The following ARHGAP19 variants were observed in gnomAD, a reference collection of about 807,000 sequenced individuals.
The protein encoded by ARHGAP19 is rho GTPase-activating protein 19.
A neutral mutation model predicts 60.9 loss-of-function variants in ARHGAP19; 48 were observed. That is an observed-to-expected ratio of 0.79 (90% CI 0.62 to 1.00). The LOEUF is 1.00. ARHGAP19 is among the 50% of genes least tolerant of loss of function. The pLI is 0.00. For synonymous variants in ARHGAP19, 209 were observed against 215.5 expected (o/e 0.97, Z 0.27); for missense variants, 562 against 597.2 (o/e 0.94, Z 0.61).
In ARHGAP19 at chr10:97,222,268, A is replaced by C. The variant is rs1238669657; in HGVS notation, c.*3854T>G. ...ATCGTTTCTTTACAATTACATATAC[A>C]TAGTCAAATAAGAATGAAAACTTTA... On this transcript the variant is annotated 3_prime_UTR_variant, in exon 12 of 12. Coordinates refer to ENST00000358531, the MANE Select transcript of ARHGAP19 (RefSeq NM_032900.6). 1.3e-5 allele frequency: 2 copies of C among 152,264 alleles called. No homozygotes were observed. Among genetic ancestry groups the C allele is most frequent in the Non-Finnish European group, 2.9e-5 (2 of 68,042 alleles). The allele number at this position is 152,264 out of a possible 1,614,324, so 9.4% of individuals were successfully genotyped here.
chr10:97,272,758 T>C (rs770573119), intron 1 of ARHGAP19, among the ~76,000 whole-genome samples: 2 of 152,188 alleles, frequency 1.3e-5, no homozygotes, highest in South Asian at 2.1e-4. Flanking sequence ...GTTCCTGATA[T>C]TGGTAATTTT....
rs1482625855 is a variant in ARHGAP19, at chr10:97,283,022, T to C, written c.56+9550A>G. On this transcript the variant is annotated intron_variant, in intron 1 of 11. Coordinates refer to ENST00000358531, the MANE Select transcript of ARHGAP19 (RefSeq NM_032900.6). ...CACGCCTGGCTAATTTTTGTATTTT[T>C]AGTAGAGACGGGGTTTCACCATATT... Among the ~76,000 whole-genome samples, 4 of 151,242 alleles carry C rather than the reference T, an allele frequency of 2.6e-5. No individual in the cohort carries two copies. In the East Asian group the frequency reaches 7.9e-4, roughly 30 times the overall value.
chr10:97,290,986 G>A (rs968052784), intron 1 of ARHGAP19, among the ~76,000 whole-genome samples: 5 of 152,082 alleles, frequency 3.3e-5, no homozygotes, highest in African/African-American at 1.2e-4. Flanking sequence ...AAGAATCCCT[G>A]AGCCTAGCTG....
At chr10:97,229,392 G>A (rs560916248) in intron 10 of ARHGAP19, among the ~76,000 whole-genome samples, 167 bp from the exon 11 acceptor site, 1 of 152,228 alleles carries the variant, frequency 6.6e-6, no homozygotes, top group East Asian at 1.9e-4. Flanking sequence ...GCTTAATGAA[G>A]TAGGCATGCC....
At chr10:97,286,839 G>A (rs1268791819) in intron 1 of ARHGAP19, among the ~76,000 whole-genome samples, 1 of 152,178 alleles carries the variant, frequency 6.6e-6, no homozygotes, top group Non-Finnish European at 1.5e-5. Context: ...TGCCAATTAT[G>A]AGGAGAAGTA....
chr10:97,256,905 A>G (rs566478044), intron 5 of ARHGAP19, among the ~76,000 whole-genome samples: 2 of 152,092 alleles, frequency 1.3e-5, no homozygotes, highest in South Asian at 4.2e-4. Flanking sequence ...GCAGATCACG[A>G]GGTCAGGAGA....
chr10:97,273,456 C>T (rs187474967), intron 1 of ARHGAP19, among the ~76,000 whole-genome samples: 1 of 151,666 alleles, frequency 6.6e-6, no homozygotes, highest in East Asian at 1.9e-4. Flanking sequence ...AGCCACCACG[C>T]CCAGCCTATT....
At chr10:97,268,483 C>A (rs1842925526) in intron 1 of ARHGAP19, among the ~76,000 whole-genome samples, 1 of 152,138 alleles carries the variant, frequency 6.6e-6, no homozygotes, top group South Asian at 2.1e-4. Flanking sequence ...TGTTCTCACG[C>A]TGTTAATAAA....
chr10:97,226,299 T>C (rs1850893780), intron 11 of ARHGAP19, among the ~76,000 whole-genome samples, 167 bp from the exon 12 acceptor site: 1 of 152,248 alleles, frequency 6.6e-6, no homozygotes. Flanking sequence ...CTGCCTGATA[T>C]AATCTCGTTC....
At chr10:97,289,852 T>TA (rs11304186) in intron 1 of ARHGAP19, among the ~76,000 whole-genome samples, 1,318 of 124,514 alleles carry the variant, frequency 0.011, 12 homozygotes, top group East Asian at 0.025. Context: ...AGCCCTGTGT[T>TA]AAAAAAAAAA....
At chr10:97,236,804 A>G (rs919271491) in intron 8 of ARHGAP19, among the ~76,000 whole-genome samples, 4 of 9,682 alleles carry the variant, frequency 4.1e-4, no homozygotes, top group Admixed American at 1.3e-3. Context: ...ACAGACTCAG[A>G]AAAAAAAAAA....
chr10:97,274,490 T>C (rs546430745), intron 1 of ARHGAP19, among the ~76,000 whole-genome samples: 52 of 150,392 alleles, frequency 3.5e-4, no homozygotes, highest in Non-Finnish European at 7.2e-4. Context: ...GTTCCTGAAG[T>C]GCTAATACTG....
At chr10:97,233,639 G>A (rs1243459313) in intron 9 of ARHGAP19, among the ~76,000 whole-genome samples, 2 of 152,164 alleles carry the variant, frequency 1.3e-5, no homozygotes, top group African/African-American at 4.8e-5. Context: ...AGGCCAAGGC[G>A]GGTGGATCAC....
chr10:97,258,390 C>T lies in ARHGAP19; in HGVS notation c.840+1012G>A, dbSNP rs148151507. On this transcript the variant is annotated intron_variant, in intron 5 of 11. Coordinates refer to ENST00000358531, the MANE Select transcript of ARHGAP19 (RefSeq NM_032900.6). ...AAAATACAAAAATACAAATATTAGCCAGGAATAGTGGCTCACGCCTGTAGT... is the reference window on the plus strand; with the variant it reads ...AAAATACAAAAATACAAATATTAGCTAGGAATAGTGGCTCACGCCTGTAGT... Among the ~76,000 whole-genome samples, 953 of 152,168 alleles carry T rather than the reference C, an allele frequency of 6.3e-3. 9 individuals carry two copies. The highest frequency in any genetic ancestry group is 0.022 in the African/African-American group (911 of 41,506).
intron 2 of ARHGAP19, 136 bp downstream of exon 2, chr10:97,265,724 A>C: frequency 1.0e-6 from 1 of 973,964 alleles, no homozygotes; most frequent in Non-Finnish European, 1.5e-6. Context: ...TTAAGGTGTT[A>C]CTACTTATAA....
chr10:97,253,293 G>A (rs1388164785), intron 6 of ARHGAP19, among the ~76,000 whole-genome samples: 2 of 151,310 alleles, frequency 1.3e-5, no homozygotes, highest in East Asian at 1.9e-4. Context: ...CAGGAGAATC[G>A]CTTGAACCCA....
chr10:97,243,886 A>T, intron 8 of ARHGAP19, 82 bp downstream of exon 8: 4 of 1,336,602 alleles, frequency 3.0e-6, no homozygotes, highest in Non-Finnish European at 4.1e-6. Flanking sequence ...ATTAAATGAG[A>T]TTCTTAACAA....
chr10:97,248,778 G>A (rs1175192137), intron 6 of ARHGAP19, among the ~76,000 whole-genome samples: 1 of 152,104 alleles, frequency 6.6e-6, no homozygotes, highest in Non-Finnish European at 1.5e-5. Flanking sequence ...GTTAACAAGG[G>A]CTATCACCGG....
At chr10:97,265,039 G>C (rs1356030469) in intron 2 of ARHGAP19, 133 bp from the exon 3 acceptor site, 2 of 663,554 alleles carry the variant, frequency 3.0e-6, no homozygotes, top group South Asian at 1.9e-5. Flanking sequence ...AAAAACCTTA[G>C]AACTGGAAGT....
Sources: allele counts gnomAD v4.1 joint callset (sites outside exome capture counted in the v4.1 genomes callset), GRCh38; gene constraint gnomAD v4.1.1; transcripts MANE v1.5; gene names NCBI Gene and HGNC (gene_info 2026-07-23, HGNC 2026-07-21).